ARID1B: variants seen among roughly 807,000 people sequenced by gnomAD.
The protein encoded by ARID1B is AT-rich interaction domain 1B, also known as AT-rich interactive domain-containing protein 1B.
Under a neutral mutation model 212.3 loss-of-function variants are expected in ARID1B, and 30 were observed. The ratio of observed to expected loss-of-function variants is 0.14; its 90% CI spans 0.11 to 0.19. The LOEUF (loss-of-function observed/expected upper bound fraction) is 0.19, where lower values mean the gene tolerates loss of function less well. ARID1B is among the 10% of genes least tolerant of loss of function. The pLI, the probability that ARID1B is intolerant of heterozygous loss-of-function variation, is 1.00. For synonymous variants in ARID1B, 1,402 were observed against 1,301.7 expected, an observed-to-expected ratio of 1.08 and a Z score of -1.66; for missense variants, 2,891 against 3,204.0, an observed-to-expected ratio of 0.90 and a Z score of 2.36.
At chr6:157,078,749 T>C (rs537931180) in intron 4 of ARID1B, among the ~76,000 whole-genome samples, 45 of 152,340 alleles carry the variant, frequency 3.0e-4, no homozygotes, top group Non-Finnish European at 4.9e-4. Flanking sequence ...TACAATGATA[T>C]TTATCTAAAA....
At chr6:156,982,187 A>G (rs145593382) in intron 4 of ARID1B, among the ~76,000 whole-genome samples, 3,937 of 152,206 alleles carry the variant, frequency 0.026, 62 homozygotes, top group African/African-American at 0.034. Flanking sequence ...CACCTTTACT[A>G]TATACCCTCA....
chr6:157,034,998 A>G (rs912153710), intron 4 of ARID1B, among the ~76,000 whole-genome samples: 1 of 152,158 alleles, frequency 6.6e-6, no homozygotes, highest in African/African-American at 2.4e-5. Context: ...CCCTGGTGGG[A>G]TCTGACTCCC....
chr6:157,077,153 C>G (rs1192676649), intron 4 of ARID1B, among the ~76,000 whole-genome samples: 4 of 152,140 alleles, frequency 2.6e-5, no homozygotes, highest in African/African-American at 9.7e-5. Context: ...TAGAGTTACT[C>G]AGGCAATTTT....
At chr6:157,123,770 A>G (rs564313695) in intron 6 of ARID1B, among the ~76,000 whole-genome samples, 71 of 152,388 alleles carry the variant, frequency 4.7e-4, no homozygotes, top group African/African-American at 1.7e-3. Flanking sequence ...TTAAACCTCT[A>G]GTGTGTGCAA....
chr6:157,072,078 C>T (rs1222166674), intron 4 of ARID1B: 1 of 152,168 alleles, frequency 6.6e-6, no homozygotes, highest in Non-Finnish European at 1.5e-5. Context: ...CCAACTTGAT[C>T]TTATCATTTC....
chr6:156,899,318 A>G (rs73007003), intron 2 of ARID1B, among the ~76,000 whole-genome samples: 2,403 of 152,284 alleles, frequency 0.016, 21 homozygotes, highest in Non-Finnish European at 0.025. Flanking sequence ...AATCCGTCCC[A>G]TCATGGCTCC....
intron 16 of ARID1B, among the ~76,000 whole-genome samples, chr6:157,197,642 CATTT>C (rs548270223): frequency 4.9e-4 from 74 of 152,212 alleles, no homozygotes; most frequent in Non-Finnish European, 8.7e-4. Context: ...CATAAGGTAA[CATTT>C]AGTGTGCTGA....
chr6:156,850,809 A>G (rs1784535779), intron 2 of ARID1B, among the ~76,000 whole-genome samples: 1 of 152,214 alleles, frequency 6.6e-6, no homozygotes, highest in Admixed American at 6.5e-5. Flanking sequence ...TGAGTGAGAA[A>G]ATTAAAAAGG....
chr6:157,182,773 A>G (rs1792658499), intron 12 of ARID1B, among the ~76,000 whole-genome samples: 1 of 152,144 alleles, frequency 6.6e-6, no homozygotes, highest in African/African-American at 2.4e-5. Context: ...ATGGTCAGCA[A>G]AGAGAATGAT....
At chr6:156,989,361 G>A (rs1213257865) in intron 4 of ARID1B, among the ~76,000 whole-genome samples, 2 of 152,012 alleles carry the variant, frequency 1.3e-5, no homozygotes, top group Non-Finnish European at 2.9e-5. Context: ...ATCTTTTTGC[G>A]GTTATGAAGA....
Position 157,172,512 on chromosome 6 carries a change from C to G in ARID1B, c.3236-1496C>G, listed in dbSNP as rs1450077598. On this transcript the variant is annotated intron_variant, in intron 9 of 19. Coordinates refer to ENST00000636930, the MANE Select transcript of ARID1B (RefSeq NM_001374828.1). ...CTGCAAATGGGCTTTGAAAAACAAG[C>G]CAATGCGCCCGTGGAAAAGACGGGA... Among the ~76,000 whole-genome samples, 2 of 152,290 alleles carry G rather than the reference C, an allele frequency of 1.3e-5. 1 individual carries two copies. The highest frequency in any genetic ancestry group is 1.3e-4 in the Admixed American group (2 of 15,296).
chr6:156,853,103 T>C lies in ARID1B; in HGVS notation c.1986+23682T>C, dbSNP rs552188503. Among the ~76,000 whole-genome samples, 79 of 152,352 alleles carry C rather than the reference T, an allele frequency of 5.2e-4. 1 individual carries two copies. Among genetic ancestry groups the C allele is most frequent in the African/African-American group, 1.8e-3 (74 of 41,588 alleles). ...AAGACCATGGTATAGGGTGGTACTT[T>C]AAAATCTTACAGTGCTTAAGGACTG... On this transcript the variant is annotated intron_variant, in intron 2 of 19. Transcript: ENST00000636930.
intron 1 of ARID1B, among the ~76,000 whole-genome samples, chr6:156,780,709 C>G (rs1262454694): frequency 6.6e-6 from 1 of 152,180 alleles, no homozygotes; most frequent in African/African-American, 2.4e-5. Context: ...TATTATGAAT[C>G]ATAGTTATTA....
intron 2 of ARID1B, among the ~76,000 whole-genome samples, chr6:156,845,520 G>A (rs1784175749): frequency 6.6e-6 from 1 of 152,064 alleles, no homozygotes; most frequent in Non-Finnish European, 1.5e-5. Context: ...TAGAATTCTA[G>A]ATTGGATATA....
intron 2 of ARID1B, among the ~76,000 whole-genome samples, chr6:156,863,493 G>A (rs1349555114): frequency 6.6e-6 from 1 of 152,030 alleles, no homozygotes; most frequent in African/African-American, 2.4e-5. Flanking sequence ...GTTTGGTTTT[G>A]GATATACTGA....
chr6:156,945,649 C>T (rs1004910965), intron 4 of ARID1B, among the ~76,000 whole-genome samples: 20 of 152,008 alleles, frequency 1.3e-4, no homozygotes, highest in Non-Finnish European at 1.5e-4. Flanking sequence ...ATGCTGTACC[C>T]GGAAAAAGTT....
intron 2 of ARID1B, among the ~76,000 whole-genome samples, chr6:156,856,735 CACACACAA>C (rs1784976008): frequency 8.2e-6 from 1 of 121,356 alleles, no homozygotes; most frequent in Non-Finnish European, 1.8e-5. Context: ...CACACACACA[CACACACAA>C]ACTGATGTTG....
At chr6:157,076,288 C>G (rs1023044723) in intron 4 of ARID1B, among the ~76,000 whole-genome samples, 2 of 150,848 alleles carry the variant, frequency 1.3e-5, no homozygotes, top group Admixed American at 6.6e-5. Flanking sequence ...GTGTGTTTTT[C>G]TGTTAGGTTT....
chr6:156,819,204 A>G (rs1214446968), intron 1 of ARID1B, among the ~76,000 whole-genome samples: 1 of 152,252 alleles, frequency 6.6e-6, no homozygotes, highest in African/African-American at 2.4e-5. Context: ...CTTCTTAAAT[A>G]AGTGCTTGCT....
Sources: allele counts gnomAD v4.1 joint callset (sites outside exome capture counted in the v4.1 genomes callset), GRCh38; gene constraint gnomAD v4.1.1; transcripts MANE v1.5; gene names NCBI Gene and HGNC (gene_info 2026-07-23, HGNC 2026-07-21).